APBB2: variants seen among roughly 807,000 people sequenced by gnomAD.
APBB2 encodes Fe65-like 1.
Under a neutral mutation model 82.5 loss-of-function variants are expected in APBB2, and 38 were observed. The ratio of observed to expected loss-of-function variants is 0.46; its 90% CI spans 0.36 to 0.60. The LOEUF (loss-of-function observed/expected upper bound fraction) is 0.60, where lower values mean the gene tolerates loss of function less well. Among genes scored for constraint, APBB2 ranks in the 20% least tolerant of loss-of-function variants. The probability of loss-of-function intolerance (pLI) is 0.00; values close to 1 mark genes in which losing one functional copy is unlikely to be tolerated. For synonymous variants in APBB2, 341 were observed against 368.2 expected (o/e 0.93, Z 0.85); for missense variants, 772 against 972.3 (o/e 0.79, Z 2.74).
chr4:40,975,202 T>A (rs1484771408), intron 6 of APBB2, among the ~76,000 whole-genome samples: 4 of 152,180 alleles, frequency 2.6e-5, no homozygotes, highest in Non-Finnish European at 4.4e-5. Flanking sequence ...GCAAATAATG[T>A]CTTGTCAACT....
chr4:40,960,415 G>T lies in APBB2; in HGVS notation c.836-15342C>A, dbSNP rs565874378. Among the ~76,000 whole-genome samples the T allele has an allele frequency of 6.7e-4, 99 of 147,618 alleles. 1 individual carries two copies. Among genetic ancestry groups the T allele is most frequent in the African/African-American group, 2.3e-3 (94 of 40,428 alleles). ...AAATTTACAAAGTTATATAATAAAA[G>T]AAGTTCATCAAAAACAGAAATTTTT... On this transcript the variant is annotated intron_variant, in intron 6 of 17. Transcript: ENST00000508593.
intron 4 of APBB2, among the ~76,000 whole-genome samples, chr4:41,060,078 T>C (rs1377385687): frequency 1.3e-5 from 2 of 152,146 alleles, no homozygotes; most frequent in Non-Finnish European, 2.9e-5. Flanking sequence ...GTGGGGGATT[T>C]GCACAATCCT....
Position 40,816,160 on chromosome 4 carries a change from C to T in APBB2, c.2212G>A (p.Val738Ile). Reference sequence around the variant, plus strand: ...ATGAGGGATAAGACCCCTCGTTTTACATTGGTTGTGACTCTTCTGGTTACT... The same window carrying T: ...ATGAGGGATAAGACCCCTCGTTTTATATTGGTTGTGACTCTTCTGGTTACT... ...DSVTRRVTTN[V>I]KRGVLSLIDT... Residue 738 changes from valine (V) to isoleucine (I), a missense_variant, in exon 18 of 18, where the codon GTA becomes ATA. Physicochemically the swap from Val to Ile is conservative, Grantham distance 29. Coordinates refer to ENST00000508593, the MANE Select transcript of APBB2 (RefSeq NM_004307.2). 1 of 1,614,180 alleles carries T rather than the reference C, an allele frequency of 6.2e-7. No individual in the cohort carries two copies. The highest frequency in any genetic ancestry group is 8.5e-7 in the Non-Finnish European group (1 of 1,180,040).
chr4:41,094,656 C>A (rs1376655538), intron 3 of APBB2, among the ~76,000 whole-genome samples: 2 of 152,162 alleles, frequency 1.3e-5, no homozygotes, highest in Admixed American at 1.3e-4. Context: ...CCTCTGTCTC[C>A]CGGGTTCAAG....
At chr4:40,869,150 T>A (rs982742238) in intron 12 of APBB2, among the ~76,000 whole-genome samples, 2 of 152,108 alleles carry the variant, frequency 1.3e-5, no homozygotes, top group Non-Finnish European at 2.9e-5. Context: ...TGCCTCAGAC[T>A]CCTGAGTAGC....
intron 12 of APBB2, among the ~76,000 whole-genome samples, chr4:40,872,013 C>A (rs887746902): frequency 4.8e-4 from 73 of 152,204 alleles, no homozygotes; most frequent in African/African-American, 1.7e-3. Flanking sequence ...GATTCACTCC[C>A]ATTTGTAGGG....
At chr4:40,977,116 G>GTCCATC (rs1358384838) in intron 6 of APBB2, among the ~76,000 whole-genome samples, 1 of 152,102 alleles carries the variant, frequency 6.6e-6, no homozygotes, top group Non-Finnish European at 1.5e-5. Context: ...GAAATGCACT[G>GTCCATC]TCCATCTTCT....
chr4:41,009,243 C>T (rs1157576211), intron 6 of APBB2, among the ~76,000 whole-genome samples: 1 of 151,780 alleles, frequency 6.6e-6, no homozygotes, highest in African/African-American at 2.4e-5. Flanking sequence ...AAAACCCTAA[C>T]TAGATTCAAA....
chr4:41,004,583 G>C (rs1333632248), intron 6 of APBB2, among the ~76,000 whole-genome samples: 1 of 151,370 alleles, frequency 6.6e-6, no homozygotes, highest in East Asian at 2.0e-4. Flanking sequence ...GTTCACGCCT[G>C]TAATCCCAGC....
At chr4:41,084,881 C>T (rs117561621) in intron 3 of APBB2, among the ~76,000 whole-genome samples, 1 of 151,954 alleles carries the variant, frequency 6.6e-6, no homozygotes, top group Non-Finnish European at 1.5e-5. Flanking sequence ...AGCCAAGAAG[C>T]CTGAACGAGA....
chr4:40,997,874 T>A (rs1005141243), intron 6 of APBB2, among the ~76,000 whole-genome samples: 1 of 152,208 alleles, frequency 6.6e-6, no homozygotes, highest in Non-Finnish European at 1.5e-5. Flanking sequence ...TTAATGAAGG[T>A]ACACATAAAG....
chr4:40,870,433 G>A (rs538483233), intron 12 of APBB2, among the ~76,000 whole-genome samples: 2 of 152,336 alleles, frequency 1.3e-5, no homozygotes, highest in South Asian at 2.1e-4. Context: ...GGGCCCTGGG[G>A]CACAGTGTGT....
At chr4:40,867,585 T>C (rs1764351679) in intron 12 of APBB2, among the ~76,000 whole-genome samples, 2 of 152,222 alleles carry the variant, frequency 1.3e-5, no homozygotes, top group Non-Finnish European at 1.5e-5. Flanking sequence ...GATCATTTAG[T>C]AGGTGAGTGA....
At chr4:41,161,661 G>C (rs1052411423) in intron 1 of APBB2, among the ~76,000 whole-genome samples, 1 of 152,072 alleles carries the variant, frequency 6.6e-6, no homozygotes, top group African/African-American at 2.4e-5. Flanking sequence ...GGGACAATGA[G>C]GACCCCACAC....
At chr4:41,003,258 T>C (rs145252651) in intron 6 of APBB2, among the ~76,000 whole-genome samples, 3 of 152,314 alleles carry the variant, frequency 2.0e-5, no homozygotes, top group African/African-American at 7.2e-5. Flanking sequence ...CCCCAAACTA[T>C]CTAGAAGTCC....
chr4:40,894,345 A>G (rs919965078), intron 10 of APBB2, among the ~76,000 whole-genome samples: 2 of 146,364 alleles, frequency 1.4e-5, no homozygotes, highest in Non-Finnish European at 2.9e-5. Flanking sequence ...AATGGATACA[A>G]AAATTTCTAA....
chr4:41,193,137 C>T (rs185169458), intron 1 of APBB2, among the ~76,000 whole-genome samples: 17 of 152,266 alleles, frequency 1.1e-4, no homozygotes, highest in East Asian at 5.8e-4. Flanking sequence ...CTATTTTATG[C>T]GCTAAAATTG....
chr4:40,968,093 CTGT>C (rs1795096107), intron 6 of APBB2, among the ~76,000 whole-genome samples: 1 of 152,230 alleles, frequency 6.6e-6, no homozygotes, highest in African/African-American at 2.4e-5. Flanking sequence ...GTGCCAGGCA[CTGT>C]TGTTCTAAGC....
Position 40,816,080 on chromosome 4 carries a change from T to C in APBB2, c.*12A>G. ...TCTTCAGGTAAATAGCCGAGTCCTT[T>C]TGCATGTGCAGCTATGGCATTTCGG... On this transcript the variant is annotated 3_prime_UTR_variant, in exon 18 of 18. Transcript: ENST00000508593. 2 of 1,608,828 alleles carry C rather than the reference T, an allele frequency of 1.2e-6. No individual in the cohort carries two copies. The highest frequency in any genetic ancestry group is 2.2e-5 in the East Asian group (1 of 44,760).
Sources: allele counts gnomAD v4.1 joint callset (sites outside exome capture counted in the v4.1 genomes callset), GRCh38; gene constraint gnomAD v4.1.1; transcripts MANE v1.5; gene names NCBI Gene and HGNC (gene_info 2026-07-23, HGNC 2026-07-21).